The following CFAP54 variants were observed in gnomAD, a reference collection of about 807,000 sequenced individuals.
CFAP54 encodes the protein cilia and flagella associated protein 54.
CFAP54 carries 290 observed loss-of-function variants against 370.4 expected under a neutral mutation model. The observed-to-expected ratio is 0.78, with a 90% CI of 0.71 to 0.86. The LOEUF is 0.86. Ranked by LOEUF, CFAP54 falls within the 40% of genes least tolerant of loss-of-function variation. The probability of loss-of-function intolerance (pLI) is 0.00; values close to 1 mark genes in which losing one functional copy is unlikely to be tolerated. For missense variants in CFAP54, 3,399 were observed against 3,528.7 expected, an observed-to-expected ratio of 0.96 and a Z score of 0.93; for synonymous variants, 1,206 against 1,236.5, an observed-to-expected ratio of 0.98 and a Z score of 0.52.
At position 96,489,798 on chromosome 12, in the gene CFAP54, G is replaced by GC. The variant is rs768185915; in HGVS notation, c.191dup (p.Leu65AlafsTer12). On this transcript the variant is annotated frameshift_variant, in exon 1 of 68. Coordinates refer to ENST00000524981, the MANE Select transcript of CFAP54 (RefSeq NM_001306084.2). LOFTEE classifies it high-confidence loss of function. The stretch of plus-strand genomic sequence containing the variant: ...CATTGCCCCTAGCCGTGTTTTATGG[G>GC]CCGCTGGACGCGAAAAACCCGCTCC... 6.5e-7 allele frequency: 1 copy of GC among 1,536,146 alleles called. No individual in the cohort carries two copies. The highest frequency in any genetic ancestry group is 1.2e-5 in the South Asian group (1 of 84,060).
chr12:96,727,418 T>C (rs1957856372), intron 50 of CFAP54, among the ~76,000 whole-genome samples: 1 of 146,910 alleles, frequency 6.8e-6, no homozygotes, highest in Non-Finnish European at 1.5e-5. Context: ...TTGATCCCTT[T>C]ACCATTATGT....
intron 14 of CFAP54, among the ~76,000 whole-genome samples, chr12:96,546,895 A>G (rs1955646589): frequency 6.6e-6 from 1 of 151,846 alleles, no homozygotes; most frequent in South Asian, 2.1e-4. Flanking sequence ...TGTGGGGGAG[A>G]TTATTGTTTT....
In CFAP54 at chr12:96,663,861, T is replaced by A; in HGVS notation, c.5492T>A (p.Leu1831His). ...ITCRNFIGKQ[L>H]KINSSTIEAT... ...TGCCGAAATTTCATTGGGAAGCAGC[T>A]TAAGATTAATTCTTCAACCATTGAA... Residue 1831 changes from leucine (L) to histidine (H), a missense_variant, in exon 39 of 68, where the codon CTT (leucine) becomes CAT (histidine). Physicochemically the swap from Leu to His is moderately conservative, Grantham distance 99. Transcript: ENST00000524981. The A allele has an allele frequency of 2.5e-6, 4 of 1,613,294 alleles. No homozygotes were observed. In the South Asian group the frequency reaches 4.4e-5, roughly 18 times the overall value.
rs138358412 is a variant in CFAP54, at chr12:96,742,977, C to T, written c.7219+391C>T. On this transcript the variant is annotated intron_variant, in intron 52 of 67. Transcript: ENST00000524981. ...CCAAGTCTCTTAAATCCCCCTTACT[C>T]AGTTTCCTACCCTGTAAAATGGAGA... Among the ~76,000 whole-genome samples the T allele has an allele frequency of 2.9e-3, 442 of 152,286 alleles. 1 individual carries two copies. The highest frequency in any genetic ancestry group is 4.4e-3 in the Non-Finnish European group (300 of 68,034).
At chr12:96,589,769 TACTC>T (rs943667736) in intron 23 of CFAP54, among the ~76,000 whole-genome samples, 2 of 152,094 alleles carry the variant, frequency 1.3e-5, no homozygotes, top group African/African-American at 2.4e-5. Context: ...TTTTTTTTAA[TACTC>T]ACTCACTCTG....
intron 26 of CFAP54, among the ~76,000 whole-genome samples, chr12:96,599,063 G>C (rs1956210886): frequency 1.3e-5 from 2 of 151,958 alleles, no homozygotes; most frequent in Admixed American, 1.3e-4. Context: ...CAACGTGCAG[G>C]TTTGTTACAT....
chr12:96,604,463 T>A (rs1364224617), intron 26 of CFAP54, among the ~76,000 whole-genome samples: 2 of 152,330 alleles, frequency 1.3e-5, no homozygotes, highest in East Asian at 3.9e-4. Context: ...TCAATCGCCA[T>A]GCTGGGAGAA....
intron 48 of CFAP54, among the ~76,000 whole-genome samples, chr12:96,714,791 C>A (rs970250176): frequency 1.6e-4 from 24 of 151,488 alleles, no homozygotes; most frequent in African/African-American, 5.6e-4. Flanking sequence ...AAAAAAAAAA[C>A]TGAAAAAGTA....
intron 27 of CFAP54, among the ~76,000 whole-genome samples, chr12:96,623,514 G>A (rs1433939591): frequency 6.6e-6 from 1 of 152,316 alleles, no homozygotes; most frequent in East Asian, 1.9e-4. Flanking sequence ...GTAGGTGGAA[G>A]TTACTGGGAG....
chr12:96,592,173 T>C (rs1057358168), intron 23 of CFAP54, among the ~76,000 whole-genome samples: 8 of 152,152 alleles, frequency 5.3e-5, no homozygotes, highest in Admixed American at 2.6e-4. Context: ...GTGATCGTTG[T>C]CACAGAGATA....
At chr12:96,585,044 T>C (rs1428761562) in intron 22 of CFAP54, among the ~76,000 whole-genome samples, 1 of 152,126 alleles carries the variant, frequency 6.6e-6, no homozygotes, top group Non-Finnish European at 1.5e-5. Flanking sequence ...TCTCTCTTTT[T>C]TTTTTTTTCT....
chr12:96,496,654 A>G (rs1309350840), intron 1 of CFAP54, among the ~76,000 whole-genome samples: 2 of 152,088 alleles, frequency 1.3e-5, no homozygotes, highest in Non-Finnish European at 2.9e-5. Context: ...CTGTTTCCAA[A>G]TACAACCACA....
intron 60 of CFAP54, among the ~76,000 whole-genome samples, chr12:96,779,649 TATTA>T (rs1958562084): frequency 6.7e-6 from 1 of 148,388 alleles, no homozygotes; most frequent in Non-Finnish European, 1.5e-5. Context: ...ATTATTTATA[TATTA>T]ATTTATATAT....
At chr12:96,770,198 G>GTGTA (rs1289726649) in intron 60 of CFAP54, among the ~76,000 whole-genome samples, 5 of 144,134 alleles carry the variant, frequency 3.5e-5, no homozygotes, top group Non-Finnish European at 7.6e-5. Context: ...ATGTGTGTGT[G>GTGTA]TGTGTGTGTG....
At chr12:96,735,592 G>T (rs1565959177) in intron 50 of CFAP54, among the ~76,000 whole-genome samples, 1 of 152,192 alleles carries the variant, frequency 6.6e-6, no homozygotes. Context: ...ACTGAATACA[G>T]ATGTCAAAAC....
At chr12:96,724,709 G>C (rs751724895) in intron 50 of CFAP54, among the ~76,000 whole-genome samples, 1 of 152,154 alleles carries the variant, frequency 6.6e-6, no homozygotes. Context: ...TTTGGCTTTT[G>C]TTGCCATTGC....
intron 65 of CFAP54, among the ~76,000 whole-genome samples, chr12:96,825,295 ATATAT>A (rs1279586341): frequency 1.6e-4 from 20 of 125,512 alleles, no homozygotes; most frequent in Non-Finnish European, 2.5e-4. Context: ...ATATAATATA[ATATAT>A]TATATATATA....
rs17025721 is a variant in CFAP54 at position 96,691,181 on chromosome 12, A to G, written c.6135A>G (p.Gln2045=). Residue 2045 remains glutamine (Q), a synonymous_variant, in exon 44 of 68, where the codon CAA becomes CAG. Coordinates refer to ENST00000524981, the MANE Select transcript of CFAP54 (RefSeq NM_001306084.2). Reference sequence around the variant, plus strand: ...CCAAAGCTGAACGTTGCTATGCTCAATATGAAATCACTCAGCTTCTCCCAG... The same window carrying G: ...CCAAAGCTGAACGTTGCTATGCTCAGTATGAAATCACTCAGCTTCTCCCAG... ...PHPKAERCYA[Q]YEITQLLPGI... is the part of the protein sequence containing the mutation. The G allele has an allele frequency of 3.8e-3, 6,100 of 1,613,670 alleles. 215 individuals carry two copies. In the African/African-American group the frequency reaches 0.07, roughly 19 times the overall value.
At chr12:96,873,788 T>G (rs1042488345) in intron 67 of CFAP54, among the ~76,000 whole-genome samples, 3 of 152,340 alleles carry the variant, frequency 2.0e-5, no homozygotes, top group African/African-American at 7.2e-5. Context: ...TCATGTGCCA[T>G]GAAATATTAT....
Sources: allele counts gnomAD v4.1 joint callset (sites outside exome capture counted in the v4.1 genomes callset), GRCh38; gene constraint gnomAD v4.1.1; transcripts MANE v1.5; gene names NCBI Gene and HGNC (gene_info 2026-07-23, HGNC 2026-07-21).